DCC: variants seen among roughly 807,000 people sequenced by gnomAD.
DCC encodes the protein DCC netrin 1 receptor.
A neutral mutation model predicts 172.5 loss-of-function variants in DCC; 58 were observed. The observed-to-expected ratio is 0.34, with a 90% CI of 0.27 to 0.42. The LOEUF (loss-of-function observed/expected upper bound fraction) is 0.42. Among genes scored for constraint, DCC ranks in the 10% least tolerant of loss-of-function variants. DCC has a pLI of 1.00. For missense variants in DCC, 1,740 were observed against 1,791.0 expected, an observed-to-expected ratio of 0.97 and a Z score of 0.51; for synonymous variants, 709 against 644.5, an observed-to-expected ratio of 1.10 and a Z score of -1.52.
chr18:53,267,149 T>TAG (rs148961817), intron 12 of DCC, among the ~76,000 whole-genome samples: 95 of 144,780 alleles, frequency 6.6e-4, no homozygotes, highest in Admixed American at 1.1e-3. Context: ...TATATATATA[T>TAG]AGAGAGAGAG....
At chr18:53,369,747 T>G (rs1269206970) in intron 15 of DCC, among the ~76,000 whole-genome samples, 1 of 151,892 alleles carries the variant, frequency 6.6e-6, no homozygotes, top group African/African-American at 2.4e-5. Context: ...TTTCTTCACT[T>G]TATTAGTCTG....
chr18:52,945,214 A>T (rs575221163), intron 5 of DCC, among the ~76,000 whole-genome samples: 31 of 152,328 alleles, frequency 2.0e-4, no homozygotes, highest in African/African-American at 7.2e-4. Context: ...AAAAATATGA[A>T]CTTAGGTTTT....
At chr18:52,358,580 C>T (rs17747515) in intron 1 of DCC, among the ~76,000 whole-genome samples, 34,844 of 152,168 alleles carry the variant, frequency 0.23, 4,635 homozygotes, top group Non-Finnish European at 0.31. Flanking sequence ...TAGCACGACT[C>T]TACTGGTGTT....
chr18:53,037,150 A>T (rs2042105587), intron 5 of DCC, among the ~76,000 whole-genome samples: 1 of 152,134 alleles, frequency 6.6e-6, no homozygotes, highest in Admixed American at 6.6e-5. Flanking sequence ...TGATGCCTAA[A>T]GAGTTCCATC....
intron 1 of DCC, among the ~76,000 whole-genome samples, chr18:52,750,144 CT>C (rs1427065968): frequency 6.6e-6 from 1 of 152,184 alleles, no homozygotes; most frequent in African/African-American, 2.4e-5. Flanking sequence ...TCAATTCAAT[CT>C]TGTTCTAAAA....
intron 7 of DCC, among the ~76,000 whole-genome samples, chr18:53,144,366 A>G (rs1368566076): frequency 6.6e-6 from 1 of 152,158 alleles, no homozygotes; most frequent in Non-Finnish European, 1.5e-5. Flanking sequence ...GAGACTGGGT[A>G]ATTTATAAAG....
chr18:52,668,099 G>T (rs930704345), intron 1 of DCC, among the ~76,000 whole-genome samples: 1 of 151,970 alleles, frequency 6.6e-6, no homozygotes, highest in Non-Finnish European at 1.5e-5. Context: ...AGGGAAGCAT[G>T]AGGTTGCCAG....
intron 2 of DCC, among the ~76,000 whole-genome samples, chr18:52,873,074 G>A (rs556183538): frequency 4.9e-4 from 75 of 152,128 alleles, no homozygotes; most frequent in African/African-American, 1.6e-3. Flanking sequence ...ATTTGAAATC[G>A]GTCACAGGCT....
At chr18:52,354,594 A>G (rs1984278461) in intron 1 of DCC, among the ~76,000 whole-genome samples, 1 of 152,180 alleles carries the variant, frequency 6.6e-6, no homozygotes, top group South Asian at 2.1e-4. Flanking sequence ...TGTATTGGAG[A>G]AGTCATGTCT....
intron 1 of DCC, among the ~76,000 whole-genome samples, chr18:52,481,487 G>C (rs1163459636): frequency 6.6e-6 from 1 of 152,064 alleles, no homozygotes; most frequent in Non-Finnish European, 1.5e-5. Context: ...CCTACTCGCA[G>C]ATTTACTCTG....
chr18:52,692,102 G>C (rs180716593), intron 1 of DCC, among the ~76,000 whole-genome samples: 246 of 152,230 alleles, frequency 1.6e-3, no homozygotes, highest in African/African-American at 5.8e-3. Flanking sequence ...ATTGATAATA[G>C]TTTGAGAAGC....
intron 12 of DCC, among the ~76,000 whole-genome samples, chr18:53,304,544 A>C (rs1182176346): frequency 6.6e-6 from 1 of 152,036 alleles, no homozygotes; most frequent in Non-Finnish European, 1.5e-5. Context: ...TCCTGTGTTT[A>C]ATATCTCTGA....
chr18:53,399,711 C>T lies in DCC; in HGVS notation c.2827+2265C>T, dbSNP rs1248251690. Among the ~76,000 whole-genome samples the T allele has an allele frequency of 1.3e-3, 2 of 1,518 alleles. 1 individual carries two copies. The highest frequency in any genetic ancestry group is 0.05 in the Admixed American group (2 of 40). The allele number at this position is 1,518 out of a possible 152,430, so 1.0% of individuals were successfully genotyped here. On this transcript the variant is annotated intron_variant, in intron 18 of 28. Coordinates refer to ENST00000442544, the MANE Select transcript of DCC (RefSeq NM_005215.4). The stretch of plus-strand genomic sequence containing the variant: ...CGAGGTCAGGAGATCGAGGCCATCC[C>T]GGCTAAAACGGTGAAACCCCGTCTC...
chr18:53,160,721 A>G (rs1210387398), intron 8 of DCC, among the ~76,000 whole-genome samples: 3 of 152,146 alleles, frequency 2.0e-5, no homozygotes, highest in Non-Finnish European at 4.4e-5. Flanking sequence ...ATGATATTTC[A>G]TGACTTTTTC....
intron 15 of DCC, among the ~76,000 whole-genome samples, chr18:53,371,468 C>T (rs2058059452): frequency 6.6e-6 from 1 of 151,876 alleles, no homozygotes; most frequent in Admixed American, 6.6e-5. Flanking sequence ...AACAGTTATT[C>T]TCAGTGTTAT....
intron 27 of DCC, among the ~76,000 whole-genome samples, chr18:53,514,180 A>G (rs2046302582): frequency 6.6e-6 from 1 of 152,208 alleles, no homozygotes; most frequent in South Asian, 2.1e-4. Context: ...TGGAAACTGA[A>G]CAACCTGCTC....
In DCC at chr18:53,205,310, T is replaced by C; in HGVS notation, c.1668T>C (p.Gly556=). The change falls in exon 10 of 29, where the codon GGT becomes GGC. Residue 556 remains glycine, a synonymous_variant. Transcript: ENST00000442544. ...GGGAACCCCCTGCCTATGCAAACGG[T>C]CCAGTCCAAGGTTACAGATTGTTCT... ...ITWEPPAYAN[G]PVQGYRLFCT... 1 of 1,613,930 alleles carries C rather than the reference T, an allele frequency of 6.2e-7. No homozygotes were observed. The highest frequency in any genetic ancestry group is 8.5e-7 in the Non-Finnish European group (1 of 1,179,886).
chr18:52,496,866 G>C (rs543512050), intron 1 of DCC, among the ~76,000 whole-genome samples: 1 of 151,914 alleles, frequency 6.6e-6, no homozygotes, highest in East Asian at 1.9e-4. Flanking sequence ...GATTGTGCTT[G>C]TCCATATCAT....
At chr18:53,299,207 G>A (rs1344873154) in intron 12 of DCC, among the ~76,000 whole-genome samples, 2 of 152,246 alleles carry the variant, frequency 1.3e-5, no homozygotes, top group East Asian at 1.9e-4. Context: ...GTTCTTTGCA[G>A]CCAGGGACTC....
Sources: gnomAD v4.1 joint callset for allele counts (sites outside exome capture counted in the v4.1 genomes callset) on GRCh38, gnomAD v4.1.1 for gene constraint, MANE v1.5 for transcripts, NCBI Gene and HGNC (gene_info 2026-07-23, HGNC 2026-07-21) for gene names.